ANK3: variants seen among roughly 807,000 people sequenced by gnomAD.
ANK3 encodes the protein ankyrin 3, also known as ankyrin-3.
ANK3 carries 57 observed loss-of-function variants against 370.9 expected under a neutral mutation model. The ratio of observed to expected loss-of-function variants is 0.15; its 90% CI spans 0.12 to 0.19. The LOEUF is 0.19. Ranked by LOEUF, ANK3 falls within the 10% of genes least tolerant of loss-of-function variation. The pLI is 1.00. For missense variants in ANK3, 4,439 were observed against 5,302.1 expected (o/e 0.84, Z 5.06); for synonymous variants, 1,929 against 1,946.3 (o/e 0.99, Z 0.23).
rs1290058220 is a variant in ANK3, at chr10:60,198,469, C to T, written c.1560G>A (p.Gln520=). The stretch of plus-strand genomic sequence containing the variant: ...TGGCTGCATTTGGAGATGCCCCTTG[C>T]TGCAACAGCTGTTGTACTATGTCTG... ...GKADIVQQLL[Q]QGASPNAATT... is the part of the protein sequence containing the mutation. Residue 520 remains glutamine, a synonymous_variant, in exon 14 of 44, where the codon CAG becomes CAA. Coordinates refer to ENST00000280772, the MANE Select transcript of ANK3 (RefSeq NM_020987.5). 6.2e-7 allele frequency: 1 copy of T among 1,614,086 alleles called. No individual in the cohort carries two copies. The highest frequency in any genetic ancestry group is 8.5e-7 in the Non-Finnish European group (1 of 1,180,048).
intron 7 of ANK3, among the ~76,000 whole-genome samples, chr10:60,242,818 C>A (rs545354865): frequency 2.0e-5 from 3 of 152,048 alleles, no homozygotes; most frequent in South Asian, 4.1e-4. Flanking sequence ...GAAGTACTAT[C>A]GAATGTTTTT....
chr10:60,173,513 G>A (rs555834789), intron 18 of ANK3, among the ~76,000 whole-genome samples: 1 of 152,226 alleles, frequency 6.6e-6, no homozygotes, highest in Non-Finnish European at 1.5e-5. Flanking sequence ...CTTCTTATTC[G>A]GGGTCAGAAG....
chr10:60,639,986 A>T (rs574954404), intron 1 of ANK3, among the ~76,000 whole-genome samples: 167 of 152,176 alleles, frequency 1.1e-3, no homozygotes, highest in African/African-American at 3.8e-3. Context: ...ATTTATAGAC[A>T]CAGGTTAAAA....
At chr10:60,720,072 A>G (rs74157811) in intron 1 of ANK3, among the ~76,000 whole-genome samples, 2,210 of 152,320 alleles carry the variant, frequency 0.015, 51 homozygotes, top group African/African-American at 0.05. Context: ...AAGAGGAGGA[A>G]GTTTAAGCAA....
chr10:60,069,402 A>G lies in ANK3; in HGVS notation c.11479T>C (p.Ser3827Pro). Residue 3827 changes from serine (S) to proline (P), a missense_variant, in exon 37 of 44, where the codon TCA becomes CCA. By Grantham distance (74) the Ser-to-Pro change is moderately conservative (BLOSUM62 -1). Coordinates refer to ENST00000280772, the MANE Select transcript of ANK3 (RefSeq NM_020987.5). ...AGTACCCCTGTCTTTTTTCCTGATG[A>G]GACTTTCACTGGGTTATCTTTCTCT... ...TTEKDNPVKVSSGKKTGVLQG... is the reference protein window; with the variant it reads ...TTEKDNPVKVPSGKKTGVLQG... The G allele has an allele frequency of 1.2e-6, 2 of 1,613,396 alleles. No individual in the cohort carries two copies. Among genetic ancestry groups the G allele is most frequent in the Non-Finnish European group, 8.5e-7 (1 of 1,179,836 alleles).
chr10:60,560,814 T>C (rs544113692), intron 2 of ANK3, among the ~76,000 whole-genome samples: 1 of 152,200 alleles, frequency 6.6e-6, no homozygotes, highest in South Asian at 2.1e-4. Flanking sequence ...AACTCATAAA[T>C]ATTTGCTTGA....
rs780325060 is a variant in ANK3, at chr10:60,084,789, C to T, written c.3887G>A (p.Gly1296Glu). 6.4e-7 allele frequency: 1 copy of T among 1,574,470 alleles called. No individual in the cohort carries two copies. The highest frequency in any genetic ancestry group is 8.6e-7 in the Non-Finnish European group (1 of 1,162,614). Reference protein sequence around the residue: ...ADCHQVLETVGLATQLYRELI... With the variant: ...ADCHQVLETVELATQLYRELI... The stretch of plus-strand genomic sequence containing the variant: ...TTCTCTGTACAGTTGCGTGGCTAAC[C>T]CCACAGTTTCTAAAACTTGATGGCA... The change falls in exon 32 of 44, where the codon GGG becomes GAG. Residue 1296 changes from glycine to glutamate, a missense_variant. Transcript: ENST00000280772.
intron 42 of ANK3, chr10:60,053,734 T>C (rs1249659862): frequency 2.3e-6 from 3 of 1,303,806 alleles, no homozygotes; most frequent in Non-Finnish European, 3.0e-6. Context: ...TGACCTGATT[T>C]TTTAGGGGAT....
chr10:60,349,895 G>T (rs1311041371), intron 1 of ANK3, among the ~76,000 whole-genome samples: 1 of 152,194 alleles, frequency 6.6e-6, no homozygotes, highest in Admixed American at 6.5e-5. Context: ...CAAGAAAATA[G>T]CAGGGAAAGA....
chr10:60,456,498 CCT>C (rs2064750782), intron 2 of ANK3, among the ~76,000 whole-genome samples: 1 of 152,106 alleles, frequency 6.6e-6, no homozygotes, highest in South Asian at 2.1e-4. Flanking sequence ...GGAAATACAC[CCT>C]GTCCTGACAC....
chr10:60,400,811 C>G (rs186981185), intron 2 of ANK3, among the ~76,000 whole-genome samples: 5 of 152,164 alleles, frequency 3.3e-5, no homozygotes, highest in Admixed American at 6.5e-5. Context: ...AACCCATCAC[C>G]AAGGTGTTAA....
At chr10:60,671,813 T>G (rs2079067418) in intron 1 of ANK3, among the ~76,000 whole-genome samples, 1 of 152,206 alleles carries the variant, frequency 6.6e-6, no homozygotes, top group Non-Finnish European at 1.5e-5. Context: ...ATTCCAATTG[T>G]GAGGACTTTC....
intron 1 of ANK3, among the ~76,000 whole-genome samples, chr10:60,321,818 T>C (rs938081135): frequency 6.6e-6 from 1 of 152,248 alleles, no homozygotes; most frequent in African/African-American, 2.4e-5. Flanking sequence ...GAACAGTACA[T>C]TTATTGACCC....
chr10:60,200,661 C>A (rs1056692929), intron 12 of ANK3, among the ~76,000 whole-genome samples: 7 of 151,714 alleles, frequency 4.6e-5, no homozygotes, highest in African/African-American at 1.7e-4. Context: ...AAGATGCCAG[C>A]CTTACCATGC....
At chr10:60,653,247 T>G (rs1292315639) in intron 1 of ANK3, among the ~76,000 whole-genome samples, 4 of 152,174 alleles carry the variant, frequency 2.6e-5, no homozygotes, top group African/African-American at 9.6e-5. Flanking sequence ...CACAAATATT[T>G]TTCTTCTAGT....
chr10:60,074,352 C>T lies in ANK3; in HGVS notation c.6529G>A (p.Asp2177Asn). Reference sequence around the variant, plus strand: ...TGGGGAACATCCCCAGCTGAGGGATCATAGCTCCTGATAACATGAACCACT... The same window carrying T: ...TGGGGAACATCCCCAGCTGAGGGATTATAGCTCCTGATAACATGAACCACT... ...TEVVHVIRSY[D>N]PSAGDVPQTQ... The change falls in exon 37 of 44, where the codon GAT (aspartate) becomes AAT (asparagine). Residue 2177 changes from aspartate (D) to asparagine (N), a missense_variant. By Grantham distance (23) the Asp-to-Asn change is conservative. Transcript: ENST00000280772. 6.2e-7 allele frequency: 1 copy of T among 1,613,976 alleles called. No individual in the cohort carries two copies. The highest frequency in any genetic ancestry group is 8.5e-7 in the Non-Finnish European group (1 of 1,179,966).
intron 18 of ANK3, among the ~76,000 whole-genome samples, chr10:60,174,236 C>T (rs1200268810): frequency 6.6e-6 from 1 of 152,170 alleles, no homozygotes; most frequent in Non-Finnish European, 1.5e-5. Flanking sequence ...ATGTGCTGCC[C>T]TAGAGCGGTG....
At chr10:60,032,965 G>A (rs960718614) in intron 43 of ANK3, among the ~76,000 whole-genome samples, 2 of 152,154 alleles carry the variant, frequency 1.3e-5, no homozygotes, top group South Asian at 2.1e-4. Context: ...TGATGACAGC[G>A]CCATCTGATG....
intron 2 of ANK3, among the ~76,000 whole-genome samples, chr10:60,579,329 A>G (rs981934872): frequency 9.9e-6 from 1 of 100,586 alleles, no homozygotes; most frequent in African/African-American, 3.0e-5. Flanking sequence ...CTCTCAATAA[A>G]AAAAAAAAAA....
Sources: gnomAD v4.1 joint callset for allele counts (sites outside exome capture counted in the v4.1 genomes callset) on GRCh38, gnomAD v4.1.1 for gene constraint, MANE v1.5 for transcripts, NCBI Gene and HGNC (gene_info 2026-07-23, HGNC 2026-07-21) for gene names.